The following LGALS3 variants were observed in gnomAD, a reference collection of about 807,000 sequenced individuals.
LGALS3 encodes the protein galectin-3.
LGALS3 carries 18 observed loss-of-function variants against 20.7 expected under a neutral mutation model. That is an observed-to-expected ratio of 0.87 (90% confidence interval 0.60 to 1.29). The LOEUF is 1.29. Ranked by LOEUF, LGALS3 falls within the 50% of genes most tolerant of loss-of-function variation. The pLI, the probability that LGALS3 is intolerant of heterozygous loss-of-function variation, is 0.00. For missense variants in LGALS3, 315 were observed against 314.7 expected (o/e 1.00, Z -0.01); for synonymous variants, 112 against 119.6 (o/e 0.94, Z 0.42).
chr14:55,137,937 G>A, intron 2 of LGALS3, 108 bp from the exon 3 acceptor site: 1 of 1,394,980 alleles, frequency 7.2e-7, no homozygotes, highest in Non-Finnish European at 9.3e-7. Context: ...TGCATGTAAT[G>A]CCTTTGCCAT....
Position 55,138,111 on chromosome 14 carries a change from C to A in LGALS3, c.85C>A (p.Gln29Lys), listed in dbSNP as rs1450928760. ...AGGATGGCCTGGCGCATGGGGGAAC[C>A]AGCCTGCTGGGGCAGGGGGCTACCC... ...PQGWPGAWGN[Q>K]PAGAGGYPGA... Residue 29 changes from glutamine (Q) to lysine (K), a missense_variant, in exon 3 of 6, where the codon CAG becomes AAG. Gln to Lys is a moderately conservative substitution (Grantham distance 53). Transcript: ENST00000254301. 1 of 1,541,642 alleles carries A rather than the reference C, an allele frequency of 6.5e-7. No individual in the cohort carries two copies. Among genetic ancestry groups the A allele is most frequent in the African/African-American group, 1.4e-5 (1 of 71,996 alleles).
At chr14:55,130,759 G>A (rs1026151632) in intron 1 of LGALS3, among the ~76,000 whole-genome samples, 4 of 149,760 alleles carry the variant, frequency 2.7e-5, no homozygotes, top group Non-Finnish European at 4.5e-5. Flanking sequence ...GTGGTGGGGG[G>A]GGGGGGGTCC....
At chr14:55,130,714 C>T (rs1424033478) in intron 1 of LGALS3, among the ~76,000 whole-genome samples, 1 of 148,598 alleles carries the variant, frequency 6.7e-6, no homozygotes, top group Non-Finnish European at 1.5e-5. Flanking sequence ...CATGCGCCAC[C>T]ATGCCCGGCT....
At chr14:55,132,568 GCTTTT>G (rs10629194) in intron 1 of LGALS3, among the ~76,000 whole-genome samples, 1 of 151,242 alleles carries the variant, frequency 6.6e-6, no homozygotes, top group South Asian at 2.1e-4. Flanking sequence ...CAGTTATAAT[GCTTTT>G]CTTTTCTTTT....
Position 55,145,115 on chromosome 14 carries a change from G to C in LGALS3, c.598-1G>C, listed in dbSNP as rs879046580. On this transcript the variant is annotated splice_acceptor_variant, in intron 5 of 5. Coordinates refer to ENST00000254301, the MANE Select transcript of LGALS3 (RefSeq NM_002306.4). LOFTEE classifies it high-confidence loss of function. ...AACAGTTTATGTATATGCCATTTCA[G>C]ATACAAGTACTGGTTGAACCTGACC... 5 of 1,611,854 alleles carry C rather than the reference G, an allele frequency of 3.1e-6. No individual in the cohort carries two copies. The highest frequency in any genetic ancestry group is 4.2e-6 in the Non-Finnish European group (5 of 1,178,464).
intron 3 of LGALS3, among the ~76,000 whole-genome samples, chr14:55,139,982 T>C (rs1326635967): frequency 6.6e-6 from 1 of 152,214 alleles, no homozygotes; most frequent in Non-Finnish European, 1.5e-5. Flanking sequence ...ATGTTAATGT[T>C]GATCACAAGA....
intron 2 of LGALS3, chr14:55,137,612 C>T: frequency 1.4e-6 from 2 of 1,449,168 alleles, no homozygotes; most frequent in Non-Finnish European, 1.8e-6. Flanking sequence ...CTCACAGTAA[C>T]CCTTTCACCA....
At chr14:55,140,738 C>T (rs976425074) in intron 4 of LGALS3, among the ~76,000 whole-genome samples, 3 of 152,100 alleles carry the variant, frequency 2.0e-5, no homozygotes, top group African/African-American at 7.2e-5. Context: ...GGCCTGGGAA[C>T]CCGTCTTTTG....
intron 3 of LGALS3, 73 bp downstream of exon 3, chr14:55,138,441 C>T (rs1881502157): frequency 6.6e-7 from 1 of 1,504,782 alleles, no homozygotes; most frequent in Non-Finnish European, 9.2e-7. Flanking sequence ...TTTAAAGCTG[C>T]TGCTTAGAGC....
chr14:55,143,632 G>A (rs1881711787), intron 5 of LGALS3: 1 of 204,374 alleles, frequency 4.9e-6, no homozygotes, highest in South Asian at 5.4e-5. Context: ...ATGTTGGCCA[G>A]GATGGTCTTG....
At chr14:55,137,928 G>GC (rs1881462169) in intron 2 of LGALS3, 117 bp from the exon 3 acceptor site, 1 of 1,361,338 alleles carries the variant, frequency 7.3e-7, no homozygotes, top group African/African-American at 1.5e-5. Flanking sequence ...TTAATGATAT[G>GC]CATGTAATGC....
chr14:55,142,830 G>C, intron 5 of LGALS3, 81 bp downstream of exon 5: 3 of 1,177,488 alleles, frequency 2.5e-6, no homozygotes, highest in Non-Finnish European at 3.6e-6. Context: ...CACTTGAAGT[G>C]AGAGTTTTTA....
intron 4 of LGALS3, 180 bp downstream of exon 4, chr14:55,140,543 A>G (rs1881584947): frequency 9.7e-6 from 5 of 515,400 alleles, no homozygotes; most frequent in Non-Finnish European, 1.7e-5. Context: ...CCATAAATCC[A>G]TACATATTCC....
intron 3 of LGALS3, 122 bp from the exon 4 acceptor site, chr14:55,140,153 T>C (rs1043515268): frequency 2.9e-5 from 18 of 621,098 alleles, no homozygotes; most frequent in Non-Finnish European, 8.6e-6. Flanking sequence ...TCTGGACAGA[T>C]GGCATATACT....
At chr14:55,136,492 G>A (rs904201846) in intron 1 of LGALS3, among the ~76,000 whole-genome samples, 8 of 152,014 alleles carry the variant, frequency 5.3e-5, no homozygotes, top group African/African-American at 1.7e-4. Context: ...CTGCCTTGCT[G>A]CACTGTAGGC....
At chr14:55,133,545 C>T (rs1306597403) in intron 1 of LGALS3, among the ~76,000 whole-genome samples, 7 of 152,140 alleles carry the variant, frequency 4.6e-5, no homozygotes, top group Admixed American at 6.5e-5. Flanking sequence ...CAGGACAGTA[C>T]AAGATTTCAC....
intron 1 of LGALS3, among the ~76,000 whole-genome samples, chr14:55,132,200 G>C (rs1594649015): frequency 1.3e-5 from 2 of 152,198 alleles, no homozygotes; most frequent in Admixed American, 1.3e-4. Flanking sequence ...TCTAACTCAT[G>C]TTTAAATTCC....
Position 55,142,683 on chromosome 14 carries a change from G to A in LGALS3, c.531G>A (p.Leu177=), listed in dbSNP as rs758267264. The change falls in exon 5 of 6, where the codon CTG becomes CTA. Residue 177 remains leucine, a synonymous_variant. Coordinates refer to ENST00000254301, the MANE Select transcript of LGALS3 (RefSeq NM_002306.4). ...GAGTCATTGTTTGCAATACAAAGCT[G>A]GATAATAACTGGGGAAGGGAAGAAA... is the stretch of plus-strand genomic sequence containing the variant. The part of the protein sequence containing the change: ...NRRVIVCNTK[L]DNNWGREERQ... 1.2e-6 allele frequency: 2 copies of A among 1,613,848 alleles called. No homozygotes were observed. Among genetic ancestry groups the A allele is most frequent in the South Asian group, 2.2e-5 (2 of 91,058 alleles).
At chr14:55,137,748 AG>A in intron 2 of LGALS3, 1 of 1,336,996 alleles carries the variant, frequency 7.5e-7, no homozygotes, top group Non-Finnish European at 9.5e-7. Context: ...GTGATGAAAA[AG>A]TATGTGCTAT....
Sources: gnomAD v4.1 joint callset for allele counts (sites outside exome capture counted in the v4.1 genomes callset) on GRCh38, gnomAD v4.1.1 for gene constraint, MANE v1.5 for transcripts, NCBI Gene and HGNC (gene_info 2026-07-23, HGNC 2026-07-21) for gene names.